CIT: variants seen among roughly 807,000 people sequenced by gnomAD.
The protein encoded by CIT is citron Rho-interacting kinase.
Under a neutral mutation model 272.7 loss-of-function variants are expected in CIT, and 79 were observed. The ratio of observed to expected loss-of-function variants is 0.29; its 90% CI spans 0.24 to 0.35. CIT has a LOEUF of 0.35. Ranked by LOEUF, CIT falls within the 10% of genes least tolerant of loss-of-function variation. The probability of loss-of-function intolerance (pLI) is 1.00; values close to 1 mark genes in which losing one functional copy is unlikely to be tolerated. For missense variants in CIT, 1,909 were observed against 2,618.3 expected (o/e 0.73, Z 5.91); for synonymous variants, 948 against 995.6 (o/e 0.95, Z 0.90).
At position 119,718,424 on chromosome 12, in the gene CIT, G is replaced by A; in HGVS notation, c.4004-15C>T. The A allele has an allele frequency of 6.9e-6, 11 of 1,597,326 alleles. No individual in the cohort carries two copies. Among genetic ancestry groups the A allele is most frequent in the Non-Finnish European group, 9.4e-6 (11 of 1,169,810 alleles). On this transcript the variant is annotated splice_polypyrimidine_tract_variant and intron_variant, in intron 31 of 47. Coordinates refer to ENST00000392521, the MANE Select transcript of CIT (RefSeq NM_001206999.2). This position sits in a 1 kb window ranked among gnomAD's most constrained non-coding sequence, Gnocchi z 4.8. The stretch of plus-strand genomic sequence containing the variant: ...GCGGTGGGCAGCTGCAGAGAGACCA[G>A]GACAATGCCTTTTGGTTAGCTGGGT...
chr12:119,719,155 T>C (rs1957704674), intron 30 of CIT, among the ~76,000 whole-genome samples: 1 of 152,126 alleles, frequency 6.6e-6, no homozygotes, highest in Admixed American at 6.5e-5. Context: ...GTCCTGAGTC[T>C]TTCCCATTCA....
Position 119,763,177 on chromosome 12 carries a change from A to G in CIT, c.2305-2122T>C, listed in dbSNP as rs1346055007. 5.9e-5 allele frequency among the ~76,000 whole-genome samples: 5 copies of G among 84,978 alleles called. No homozygotes were observed. In the Admixed American group the frequency reaches 6.2e-4, roughly 11 times the overall value. The allele number at this position is 84,978 out of a possible 152,430, so 55.7% of individuals were successfully genotyped here. ...ATGTTTATTTGAAATAAGAGATTCC[A>G]CTAAAGACATCTAAATCAATTTAAG... On this transcript the variant is annotated intron_variant, in intron 19 of 47. Coordinates refer to ENST00000392521, the MANE Select transcript of CIT (RefSeq NM_001206999.2).
chr12:119,774,700 C>CAGTG (rs1566023722), intron 16 of CIT, among the ~76,000 whole-genome samples: 1 of 152,210 alleles, frequency 6.6e-6, no homozygotes, highest in Non-Finnish European at 1.5e-5. Context: ...TGGTCAGGTA[C>CAGTG]AGTGGCTCAT....
intron 19 of CIT, among the ~76,000 whole-genome samples, chr12:119,763,261 A>G (rs1396689096): frequency 3.8e-4 from 2 of 5,198 alleles, no homozygotes; most frequent in Non-Finnish European, 8.5e-4. Flanking sequence ...AATATGTTTC[A>G]CAAAAGGTTA....
In CIT at chr12:119,814,995, G is replaced by A. The variant is rs571964622; in HGVS notation, c.1111+7825C>T. The stretch of plus-strand genomic sequence containing the variant: ...AGAAGTTGCAGTGAGCCGAGATCGT[G>A]CCACTGCACTCCAGCCTGGCTGACA... On this transcript the variant is annotated intron_variant, in intron 9 of 47. Coordinates refer to ENST00000392521, the MANE Select transcript of CIT (RefSeq NM_001206999.2). Among the ~76,000 whole-genome samples, 4 of 147,804 alleles carry A rather than the reference G, an allele frequency of 2.7e-5. No individual in the cohort carries two copies. The South Asian group carries it at 8.6e-4, about 32-fold the overall frequency.
chr12:119,745,516 T>C (rs1421037725), intron 23 of CIT, among the ~76,000 whole-genome samples: 1 of 151,798 alleles, frequency 6.6e-6, no homozygotes, highest in Non-Finnish European at 1.5e-5. Flanking sequence ...AAACCTGTGC[T>C]ATAAGAAATG....
intron 9 of CIT, among the ~76,000 whole-genome samples, chr12:119,819,216 T>C (rs1967469834): frequency 6.6e-6 from 1 of 152,156 alleles, no homozygotes; most frequent in Non-Finnish European, 1.5e-5. Flanking sequence ...TGAAACAGAA[T>C]AATGAGAGCC....
Position 119,690,335 on chromosome 12 carries a change from T to C in CIT, c.6002A>G (p.Tyr2001Cys). 6.3e-7 allele frequency: 1 copy of C among 1,597,128 alleles called. No homozygotes were observed. The highest frequency in any genetic ancestry group is 8.5e-7 in the Non-Finnish European group (1 of 1,178,276). The change falls in exon 47 of 48, where the codon TAC (tyrosine) becomes TGC (cysteine). Residue 2001 changes from tyrosine (Y) to cysteine (C), a missense_variant. Tyr to Cys is a radical substitution (Grantham distance 194). Around this residue, in one of 8 missense-constraint regions of CIT, gnomAD observed 780 missense variants for 1,067.2 expected, o/e 0.73. Coordinates refer to ENST00000392521, the MANE Select transcript of CIT (RefSeq NM_001206999.2). This position sits in a 1 kb window ranked among gnomAD's most constrained non-coding sequence, Gnocchi z 6.0. ...HPREPSTPHR[Y>C]REGRTELRRD... The stretch of plus-strand genomic sequence containing the variant: ...GCGCAGCTCGGTCCGCCCCTCGCGG[T>C]AGCGGTGGGGTGTGCTTGGCTCTCG...
intron 5 of CIT, among the ~76,000 whole-genome samples, chr12:119,836,714 T>C (rs1969045543): frequency 6.6e-6 from 1 of 152,152 alleles, no homozygotes; most frequent in African/African-American, 2.4e-5. Flanking sequence ...AAAAACAGTA[T>C]GGCTTGTAAG....
At chr12:119,766,927 C>T (rs1962521071) in intron 19 of CIT, among the ~76,000 whole-genome samples, 160 bp downstream of exon 19, 1 of 139,204 alleles carries the variant, frequency 7.2e-6, no homozygotes, top group Non-Finnish European at 1.6e-5. Context: ...CAATCCTTCA[C>T]ATAAGTAACA....
chr12:119,789,417 G>T lies in CIT; in HGVS notation c.1296-4352C>A, dbSNP rs372655271. Among the ~76,000 whole-genome samples the T allele has an allele frequency of 5.3e-5, 8 of 152,258 alleles. No individual in the cohort carries two copies. The East Asian group carries it at 1.5e-3, about 29-fold the overall frequency. Reference sequence around the variant, plus strand: ...GGTGGGCTATGAATTTCAAAACAACGTACAGGTATTAGATAATGATTAAAG... The same window carrying T: ...GGTGGGCTATGAATTTCAAAACAACTTACAGGTATTAGATAATGATTAAAG... On this transcript the variant is annotated intron_variant, in intron 10 of 47. Coordinates refer to ENST00000392521, the MANE Select transcript of CIT (RefSeq NM_001206999.2).
intron 2 of CIT, among the ~76,000 whole-genome samples, chr12:119,873,942 T>A (rs1270665032): frequency 6.6e-6 from 1 of 152,238 alleles, no homozygotes; most frequent in African/African-American, 2.4e-5. Flanking sequence ...TACCATTTTT[T>A]ATAAGGAGTT....
In CIT at chr12:119,735,188, C is replaced by T. The variant is rs1177565817; in HGVS notation, c.3128G>A (p.Arg1043Gln). 3 of 1,614,014 alleles carry T rather than the reference C, an allele frequency of 1.9e-6. No individual in the cohort carries two copies. Among genetic ancestry groups the T allele is most frequent in the Admixed American group, 1.7e-5 (1 of 60,006 alleles). Reference sequence around the variant, plus strand: ...CTTCTGGCTGGTAAGCTGCATCTCTCGTTCCGTGATCTCCCGGCGGAGATG... The same window carrying T: ...CTTCTGGCTGGTAAGCTGCATCTCTTGTTCCGTGATCTCCCGGCGGAGATG... ...VDHLRREITE[R>Q]EMQLTSQKQT... Residue 1043 changes from arginine to glutamine, a missense_variant, in exon 25 of 48, where the codon CGA (arginine) becomes CAA (glutamine). Arg to Gln is a conservative substitution (Grantham distance 43). Around this residue, in one of 8 missense-constraint regions of CIT, gnomAD observed 530 missense variants for 822.4 expected, o/e 0.64. Coordinates refer to ENST00000392521, the MANE Select transcript of CIT (RefSeq NM_001206999.2).
intron 46 of CIT, among the ~76,000 whole-genome samples, chr12:119,696,394 G>C (rs1348726792): frequency 6.6e-6 from 1 of 152,194 alleles, no homozygotes; most frequent in Non-Finnish European, 1.5e-5. Flanking sequence ...CCTTGACAGA[G>C]ACCACTCAGA....
At chr12:119,747,910 T>C (rs1959676910) in intron 23 of CIT, among the ~76,000 whole-genome samples, 1 of 152,180 alleles carries the variant, frequency 6.6e-6, no homozygotes, top group African/African-American at 2.4e-5. Context: ...ATGTCTGTAA[T>C]CCCAGCACTT....
chr12:119,805,968 C>T (rs1183893345), intron 9 of CIT, among the ~76,000 whole-genome samples: 3 of 151,932 alleles, frequency 2.0e-5, no homozygotes, highest in Non-Finnish European at 4.4e-5. Flanking sequence ...AACCCCATCT[C>T]TATTAAAAAT....
chr12:119,868,258 G>A (rs1479287181), intron 3 of CIT, among the ~76,000 whole-genome samples: 2 of 152,098 alleles, frequency 1.3e-5, no homozygotes, highest in South Asian at 4.2e-4. Context: ...GACTACATTA[G>A]TATAAAGATG....
At chr12:119,747,650 G>A (rs1959634631) in intron 23 of CIT, among the ~76,000 whole-genome samples, 1 of 151,834 alleles carries the variant, frequency 6.6e-6, no homozygotes, top group South Asian at 2.1e-4. Flanking sequence ...AACCCAGGAG[G>A]TGGAAGTTGC....
intron 4 of CIT, among the ~76,000 whole-genome samples, chr12:119,851,268 ATG>A (rs1237489759): frequency 6.6e-6 from 1 of 152,078 alleles, no homozygotes. Flanking sequence ...TGTAATGTAT[ATG>A]TGTGTGTGTG....
Sources: gnomAD v4.1 joint callset for allele counts (sites outside exome capture counted in the v4.1 genomes callset) on GRCh38, gnomAD v4.1.1 for gene constraint, gnomAD v4.1.1 regional missense constraint, Gnocchi (gnomAD v3.1) non-coding constraint, MANE v1.5 for transcripts, NCBI Gene and HGNC (gene_info 2026-07-23, HGNC 2026-07-21) for gene names.